LRRC37A: variants seen among roughly 807,000 people sequenced by gnomAD.
The protein encoded by LRRC37A is leucine rich repeat containing 37A, also known as leucine-rich repeat-containing protein 37A.
Under a neutral mutation model 35.4 loss-of-function variants are expected in LRRC37A, and 3 were observed. The observed-to-expected ratio is 0.08, with a 90% CI of 0.04 to 0.22. LRRC37A has a LOEUF of 0.22. LRRC37A is among the 10% of genes least tolerant of loss of function. LRRC37A has a pLI of 1.00. For synonymous variants in LRRC37A, 23 were observed against 215.0 expected (o/e 0.11, Z 7.81); for missense variants, 67 against 565.3 (o/e 0.12, Z 8.94).
At chr17:46,259,019 ATTTTTTTT>A in the LRRC37A span, among the ~76,000 whole-genome samples, 8,371 of 74,732 alleles carry the variant, frequency 0.11, 10 homozygotes, top group Non-Finnish European at 0.15. Context: ...CACCCGGCCT[ATTTTTTTT>A]TTTTTTTTTT....
At chr17:46,268,661 A>G in the LRRC37A span, 6 of 1,536,696 alleles carry the variant, frequency 3.9e-6, no homozygotes, top group South Asian at 1.2e-5. Context: ...GGGAAGGGCA[A>G]ATTCAAGGTG....
chr17:46,257,301 A>G, the LRRC37A span, among the ~76,000 whole-genome samples: 4 of 152,092 alleles, frequency 2.6e-5, no homozygotes, highest in African/African-American at 9.6e-5. Context: ...ACAAAAAATT[A>G]GCTGGGTGTG....
the LRRC37A span, among the ~76,000 whole-genome samples, chr17:46,261,986 G>A: frequency 6.6e-6 from 1 of 152,164 alleles, no homozygotes; most frequent in Non-Finnish European, 1.5e-5. Context: ...TTCTTGCTCT[G>A]TTGCCCAGGC....
the LRRC37A span, among the ~76,000 whole-genome samples, chr17:46,269,151 C>T: frequency 5.3e-5 from 8 of 152,160 alleles, no homozygotes; most frequent in African/African-American, 1.7e-4. Context: ...TAACAGTAAG[C>T]GCACTAGTCA....
At chr17:46,258,780 T>C in the LRRC37A span, among the ~76,000 whole-genome samples, 1 of 141,224 alleles carries the variant, frequency 7.1e-6, no homozygotes, top group Non-Finnish European at 1.5e-5. Context: ...AGTTGTGCAA[T>C]CTTGGCTCAC....
the LRRC37A span, chr17:46,267,056 C>A: frequency 3.7e-6 from 1 of 269,676 alleles, no homozygotes; most frequent in South Asian, 1.4e-4. Context: ...CGGCCTCAGT[C>A]AGCCGCGCAG....
the LRRC37A span, among the ~76,000 whole-genome samples, chr17:46,261,381 T>C: frequency 6.6e-6 from 1 of 152,178 alleles, no homozygotes; most frequent in Non-Finnish European, 1.5e-5. Context: ...GGGGACTGGC[T>C]ATTTGGAGGA....
the LRRC37A span, among the ~76,000 whole-genome samples, chr17:46,255,429 G>A: frequency 2.1e-5 from 3 of 144,586 alleles, no homozygotes; most frequent in Non-Finnish European, 3.0e-5. Flanking sequence ...GCAGTGGCGC[G>A]ATCTCTGCTC....
the LRRC37A span, chr17:46,268,399 G>A: frequency 1.1e-6 from 1 of 905,458 alleles, no homozygotes; most frequent in Non-Finnish European, 1.5e-6. Flanking sequence ...AACTTGTGCA[G>A]CAAGATAGTA....
At chr17:46,283,467 C>T in the LRRC37A span, among the ~76,000 whole-genome samples, 43 of 152,326 alleles carry the variant, frequency 2.8e-4, no homozygotes, top group African/African-American at 9.6e-4. Flanking sequence ...AGTTGAGTCA[C>T]TACATCAATG....
intron 10 of LRRC37A, among the ~76,000 whole-genome samples, chr17:46,333,044 G>T (rs1378134757): frequency 1.5e-5 from 2 of 132,198 alleles, no homozygotes; most frequent in Non-Finnish European, 3.3e-5. Context: ...CCCTCACGGA[G>T]TTGTCATCAC....
chr17:46,251,979 G>A, the LRRC37A span, among the ~76,000 whole-genome samples: 1 of 152,126 alleles, frequency 6.6e-6, no homozygotes. Flanking sequence ...CTAAGCTGGG[G>A]TGATTGTCCC....
At chr17:46,286,982 C>T in the LRRC37A span, among the ~76,000 whole-genome samples, 28 of 152,328 alleles carry the variant, frequency 1.8e-4, no homozygotes, top group African/African-American at 5.8e-4. Flanking sequence ...GTATTCACAA[C>T]GAAAATGACA....
chr17:46,286,881 A>G, the LRRC37A span, among the ~76,000 whole-genome samples: 5 of 152,226 alleles, frequency 3.3e-5, no homozygotes, highest in Non-Finnish European at 7.3e-5. Context: ...AGATGTACAC[A>G]TCCATTTTCT....
chr17:46,315,327 C>A (rs1375289553), intron 5 of LRRC37A, among the ~76,000 whole-genome samples: 2 of 99,804 alleles, frequency 2.0e-5, no homozygotes, highest in East Asian at 4.8e-4. Context: ...GAGTTCAAGG[C>A]CAGCCAGGGC....
At chr17:46,286,616 A>G in the LRRC37A span, among the ~76,000 whole-genome samples, 1 of 152,260 alleles carries the variant, frequency 6.6e-6, no homozygotes, top group Non-Finnish European at 1.5e-5. Context: ...CTATGAAGCA[A>G]GATAAATTTT....
the LRRC37A span, among the ~76,000 whole-genome samples, chr17:46,280,920 T>C: frequency 0.11 from 16,622 of 151,950 alleles, 863 homozygotes; most frequent in East Asian, 0.27. Context: ...AAGGGTACCC[T>C]GAGTCCTTAC....
chr17:46,280,886 G>A, the LRRC37A span, among the ~76,000 whole-genome samples: 2 of 152,156 alleles, frequency 1.3e-5, no homozygotes, highest in African/African-American at 4.8e-5. Flanking sequence ...AATAGCACAC[G>A]CTTTTAAAAA....
chr17:46,271,168 T>TC, the LRRC37A span, among the ~76,000 whole-genome samples: 3 of 112,740 alleles, frequency 2.7e-5, no homozygotes, highest in South Asian at 4.8e-4. Flanking sequence ...TAGTTTCTTT[T>TC]TTTTTTTTTT....
Sources: allele counts gnomAD v4.1 joint callset (sites outside exome capture counted in the v4.1 genomes callset), GRCh38; gene constraint gnomAD v4.1.1; transcripts MANE v1.5; gene names NCBI Gene and HGNC (gene_info 2026-07-23, HGNC 2026-07-21).